Variants in AGTRAP observed in about 807,000 individuals in gnomAD.
AGTRAP encodes the protein type-1 angiotensin II receptor-associated protein.
In AGTRAP, 7 loss-of-function variants were observed where a neutral mutation model predicts 15.2. The observed-to-expected ratio is 0.46, with a 90% CI of 0.26 to 0.87. The LOEUF (loss-of-function observed/expected upper bound fraction) is 0.87, where lower values mean the gene tolerates loss of function less well. Among genes scored for constraint, AGTRAP ranks in the 40% least tolerant of loss-of-function variants. The probability of loss-of-function intolerance (pLI) is 0.15; values close to 1 mark genes in which losing one functional copy is unlikely to be tolerated. For synonymous variants in AGTRAP, 74 were observed against 89.6 expected, an observed-to-expected ratio of 0.83 and a Z score of 0.98; for missense variants, 187 against 213.4, an observed-to-expected ratio of 0.88 and a Z score of 0.77.
At chr1:11,743,547 A>C (rs1570342217) in intron 1 of AGTRAP, among the ~76,000 whole-genome samples, 2 of 146,586 alleles carry the variant, frequency 1.4e-5, no homozygotes, top group South Asian at 2.1e-4. Flanking sequence ...CGCCCAGCCC[A>C]TCTGCCCTTT....
intron 1 of AGTRAP, among the ~76,000 whole-genome samples, chr1:11,743,160 C>G (rs542605176): frequency 1.3e-5 from 2 of 152,320 alleles, no homozygotes; most frequent in East Asian, 3.9e-4. Context: ...GGCCGAGCCC[C>G]GCTCATACAT....
intron 3 of AGTRAP, 66 bp downstream of exon 3, chr1:11,747,611 C>A: frequency 6.6e-7 from 1 of 1,504,058 alleles, no homozygotes; most frequent in Non-Finnish European, 9.2e-7. Context: ...CATAGCCTGG[C>A]TCTGCTACCC....
At position 11,745,736 on chromosome 1, in the gene AGTRAP, C is replaced by G; in HGVS notation, c.28-67C>G. ...AGGGGCGTCCTGTGTTTTCTGCACC[C>G]GACGCTTTCCTGCCCCTGTGGTGGT... On this transcript the variant is annotated intron_variant, in intron 1 of 4. Transcript: ENST00000314340. The surrounding 1 kb of genome is among the most constrained non-coding windows in gnomAD (Gnocchi z 4.2). 5 of 1,568,476 alleles carry G rather than the reference C, an allele frequency of 3.2e-6. No homozygotes were observed. The South Asian group carries it at 5.5e-5, about 17-fold the overall frequency.
intron 4 of AGTRAP, among the ~76,000 whole-genome samples, chr1:11,749,099 A>C (rs1642249303): frequency 6.6e-6 from 1 of 151,678 alleles, no homozygotes; most frequent in Admixed American, 6.6e-5. Flanking sequence ...CTCAGTGAAG[A>C]CAGCCCTGAA....
At chr1:11,739,326 G>A (rs1047650792) in intron 1 of AGTRAP, among the ~76,000 whole-genome samples, 7 of 152,124 alleles carry the variant, frequency 4.6e-5, no homozygotes, top group African/African-American at 1.7e-4. Context: ...CCAGGCAGGT[G>A]GATCATTTGA....
Position 11,750,534 on chromosome 1 carries a change from C to T in AGTRAP, c.*342C>T. 1 of 544,958 alleles carries T rather than the reference C, an allele frequency of 1.8e-6. No homozygotes were observed. The highest frequency in any genetic ancestry group is 3.3e-6 in the Non-Finnish European group (1 of 305,636). The allele number at this position is 544,958 out of a possible 1,614,324, so 33.8% of individuals were successfully genotyped here. A position where few individuals can be genotyped will look rare whatever the true frequency, so the allele number is the denominator to read the frequency against. Reference sequence around the variant, plus strand: ...TCAGGCCTTTAAGGACTGCTGATGCCCCCTCAGGCCTCCCCCAAGTTTGCT... The same window carrying T: ...TCAGGCCTTTAAGGACTGCTGATGCTCCCTCAGGCCTCCCCCAAGTTTGCT... On this transcript the variant is annotated 3_prime_UTR_variant, in exon 5 of 5. Transcript: ENST00000314340.
chr1:11,746,284 A>G (rs1372185365), intron 2 of AGTRAP: 3 of 1,388,926 alleles, frequency 2.2e-6, no homozygotes, highest in Non-Finnish European at 3.0e-6. Flanking sequence ...GCCAAAATAC[A>G]GATTTCTTAG....
At chr1:11,746,347 C>A (rs775608979) in intron 2 of AGTRAP, 12 of 861,514 alleles carry the variant, frequency 1.4e-5, no homozygotes, top group Admixed American at 2.8e-5. Flanking sequence ...ACCCAGGCAC[C>A]TGCTTTCTTA....
In AGTRAP at chr1:11,736,139, T is replaced by C. The variant is rs1282691860; in HGVS notation, c.-70T>C. The C allele has an allele frequency of 6.4e-7, 1 of 1,557,838 alleles. No individual in the cohort carries two copies. Among genetic ancestry groups the C allele is most frequent in the Non-Finnish European group, 8.7e-7 (1 of 1,150,072 alleles). On this transcript the variant is annotated 5_prime_UTR_variant, in exon 1 of 5. Transcript: ENST00000314340. Reference sequence around the variant, plus strand: ...GCGGGGCGGGGCGGGGCCGGGCAAGTTTGTTCCCCGAGTTCGGAGCCTAGG... The same window carrying C: ...GCGGGGCGGGGCGGGGCCGGGCAAGCTTGTTCCCCGAGTTCGGAGCCTAGG...
intron 1 of AGTRAP, chr1:11,744,488 G>A (rs1016012675): frequency 1.3e-5 from 9 of 708,572 alleles, no homozygotes; most frequent in Middle Eastern, 2.3e-4. Context: ...CCCTTTGCCC[G>A]CTCTCTCCAG....
chr1:11,736,973 T>C (rs17875912), intron 1 of AGTRAP, among the ~76,000 whole-genome samples: 3,750 of 152,252 alleles, frequency 0.025, 92 homozygotes, highest in African/African-American at 0.056. Context: ...GGCTGTAGTT[T>C]TGGTCAGGAA....
At chr1:11,743,547 A>T (rs1570342217) in intron 1 of AGTRAP, among the ~76,000 whole-genome samples, 1 of 146,586 alleles carries the variant, frequency 6.8e-6, no homozygotes, top group Non-Finnish European at 1.5e-5. Flanking sequence ...CGCCCAGCCC[A>T]TCTGCCCTTT....
chr1:11,736,594 C>T (rs1428356357), intron 1 of AGTRAP, among the ~76,000 whole-genome samples: 1 of 152,202 alleles, frequency 6.6e-6, no homozygotes, highest in Non-Finnish European at 1.5e-5. Flanking sequence ...GGCTTGTAGG[C>T]GGCTCACCTC....
intron 2 of AGTRAP, chr1:11,746,114 T>C: frequency 6.2e-7 from 1 of 1,611,788 alleles, no homozygotes; most frequent in Non-Finnish European, 8.5e-7. Flanking sequence ...ACCATCTCTT[T>C]TAATCTGTTG....
At chr1:11,738,895 C>G (rs927089600) in intron 1 of AGTRAP, among the ~76,000 whole-genome samples, 2 of 152,164 alleles carry the variant, frequency 1.3e-5, no homozygotes, top group Non-Finnish European at 2.9e-5. Flanking sequence ...GGAGTTTATT[C>G]CATTTCTGGG....
chr1:11,746,257 C>T (rs764108991), intron 2 of AGTRAP: 12 of 1,541,826 alleles, frequency 7.8e-6, no homozygotes, highest in African/African-American at 5.4e-5. Context: ...TCATGATTCA[C>T]GACCTTGAGA....
chr1:11,746,042 C>T, intron 2 of AGTRAP: 1 of 1,424,780 alleles, frequency 7.0e-7, no homozygotes, highest in South Asian at 1.2e-5. Context: ...AAGTGCTCAT[C>T]AGAGCTCCCC....
At chr1:11,746,113 T>C in intron 2 of AGTRAP, 1 of 1,611,480 alleles carries the variant, frequency 6.2e-7, no homozygotes, top group Non-Finnish European at 8.5e-7. Context: ...TACCATCTCT[T>C]TTAATCTGTT....
rs564507514 is a variant in AGTRAP, at chr1:11,737,693, A to G, written c.27+1458A>G. ...GGGTACCAGCTTAGGGCTGACTTTA[A>G]CGTTGGCTGTTTCTGTCCTTTGGGA... is the stretch of plus-strand genomic sequence containing the variant. On this transcript the variant is annotated intron_variant, in intron 1 of 4. Transcript: ENST00000314340. Among the ~76,000 whole-genome samples, 11 of 152,260 alleles carry G rather than the reference A, an allele frequency of 7.2e-5. No homozygotes were observed. In the East Asian group the frequency reaches 2.1e-3, roughly 29 times the overall value.
Sources: gnomAD v4.1 joint callset for allele counts (sites outside exome capture counted in the v4.1 genomes callset) on GRCh38, gnomAD v4.1.1 for gene constraint, Gnocchi (gnomAD v3.1) non-coding constraint, MANE v1.5 for transcripts, NCBI Gene and HGNC (gene_info 2026-07-23, HGNC 2026-07-21) for gene names.